The following SAMD12 variants were observed in gnomAD, a reference collection of about 807,000 sequenced individuals.
The protein encoded by SAMD12 is sterile alpha motif domain-containing protein 12.
Under a neutral mutation model 15.0 loss-of-function variants are expected in SAMD12, and 9 were observed. The ratio of observed to expected loss-of-function variants is 0.60; its 90% CI spans 0.36 to 1.05. SAMD12 has a LOEUF of 1.05. Among genes scored for constraint, SAMD12 ranks in the 50% least tolerant of loss-of-function variants. SAMD12 has a pLI of 0.01. For synonymous variants in SAMD12, 86 were observed against 90.1 expected (o/e 0.96, Z 0.25); for missense variants, 230 against 234.2 (o/e 0.98, Z 0.12).
intron 4 of SAMD12, among the ~76,000 whole-genome samples, chr8:118,281,973 C>A (rs146746697): frequency 4.4e-4 from 67 of 152,296 alleles, no homozygotes; most frequent in African/African-American, 1.6e-3. Flanking sequence ...GTGCTTTCTG[C>A]AGAAATGAGC....
intron 4 of SAMD12, among the ~76,000 whole-genome samples, chr8:118,334,458 C>T (rs1364077021): frequency 1.3e-5 from 2 of 152,098 alleles, no homozygotes; most frequent in Non-Finnish European, 2.9e-5. Flanking sequence ...TCTTCTTCCC[C>T]TTCCCCTTCC....
At chr8:118,264,623 G>C (rs939102310) in intron 4 of SAMD12, among the ~76,000 whole-genome samples, 1 of 152,094 alleles carries the variant, frequency 6.6e-6, no homozygotes, top group Admixed American at 6.6e-5. Context: ...ATGTGCTAGA[G>C]TGAGGATGGA....
the SAMD12 span, among the ~76,000 whole-genome samples, chr8:118,153,096 G>T: frequency 6.6e-6 from 1 of 152,192 alleles, no homozygotes; most frequent in East Asian, 1.9e-4. Context: ...TTTTTCACTT[G>T]GTGTCTGTGT....
chr8:118,148,581 T>C, the SAMD12 span, among the ~76,000 whole-genome samples: 2 of 152,236 alleles, frequency 1.3e-5, no homozygotes. Flanking sequence ...TATAATTTAA[T>C]GATTTTTGGA....
At chr8:118,534,138 G>A (rs189565136) in intron 2 of SAMD12, among the ~76,000 whole-genome samples, 1 of 152,020 alleles carries the variant, frequency 6.6e-6, no homozygotes, top group Non-Finnish European at 1.5e-5. Flanking sequence ...GGCAGGCCTG[G>A]TGGTGACAAA....
At chr8:118,465,552 G>A (rs183536135) in intron 2 of SAMD12, among the ~76,000 whole-genome samples, 285 of 152,116 alleles carry the variant, frequency 1.9e-3, no homozygotes, top group African/African-American at 6.6e-3. Flanking sequence ...ATATGACTTC[G>A]GACACACACA....
At chr8:118,558,535 A>T (rs961188881) in intron 2 of SAMD12, among the ~76,000 whole-genome samples, 1 of 151,980 alleles carries the variant, frequency 6.6e-6, no homozygotes, top group Non-Finnish European at 1.5e-5. Context: ...AGTGACACTG[A>T]GCTAAGACTT....
intron 4 of SAMD12, chr8:118,295,721 C>T (rs1201048944): frequency 6.7e-6 from 1 of 149,188 alleles, no homozygotes; most frequent in East Asian, 2.0e-4. Flanking sequence ...GCAATCGTGG[C>T]TTACTGCAGT....
At chr8:118,453,032 T>C (rs1823129208) in intron 2 of SAMD12, among the ~76,000 whole-genome samples, 2 of 152,240 alleles carry the variant, frequency 1.3e-5, no homozygotes. Flanking sequence ...CTAATTTTAG[T>C]TCATCTATTA....
chr8:118,595,631 C>T (rs1179585414), intron 1 of SAMD12, among the ~76,000 whole-genome samples: 1 of 152,246 alleles, frequency 6.6e-6, no homozygotes, highest in Non-Finnish European at 1.5e-5. Context: ...AAGACAGCAG[C>T]ACTCTAAGTT....
intron 4 of SAMD12, among the ~76,000 whole-genome samples, chr8:118,350,413 T>G (rs1355369268): frequency 6.6e-6 from 1 of 152,222 alleles, no homozygotes; most frequent in Non-Finnish European, 1.5e-5. Context: ...AAGGGTTTTA[T>G]AGTCAGGTAG....
chr8:118,210,571 ATTG>A (rs1261705103), intron 4 of SAMD12, among the ~76,000 whole-genome samples: 1 of 152,142 alleles, frequency 6.6e-6, no homozygotes, highest in Non-Finnish European at 1.5e-5. Flanking sequence ...GATTCTATTT[ATTG>A]TTGTCTCATT....
intron 4 of SAMD12, among the ~76,000 whole-genome samples, chr8:118,322,229 C>G (rs1816323173): frequency 6.6e-6 from 1 of 152,240 alleles, no homozygotes; most frequent in Non-Finnish European, 1.5e-5. Context: ...CAATTACTCT[C>G]TCTCTCAGCA....
chr8:118,162,091 C>T, the SAMD12 span, among the ~76,000 whole-genome samples: 4 of 150,044 alleles, frequency 2.7e-5, no homozygotes, highest in East Asian at 3.9e-4. Context: ...ACCTGGAAGG[C>T]GGAGGTTTCA....
At chr8:118,553,377 G>A (rs776514715) in intron 2 of SAMD12, among the ~76,000 whole-genome samples, 3,883 of 151,782 alleles carry the variant, frequency 0.026, 66 homozygotes, top group Middle Eastern at 0.044. Flanking sequence ...AAATAACGCC[G>A]CATATCTACA....
rs189420946 is a variant in SAMD12, at chr8:118,229,093, A to T, written c.434-31361T>A. On this transcript the variant is annotated intron_variant, in intron 4 of 4. Coordinates refer to the SAMD12 transcript ENST00000409003. ...TGTGGGAGCTAAGCTATGAGAACGC[A>T]AAGGCATAAGAATGATGCAATGGAC... is the stretch of plus-strand genomic sequence containing the variant. 6.2e-4 allele frequency among the ~76,000 whole-genome samples: 94 copies of T among 152,274 alleles called. 1 individual carries two copies. Among genetic ancestry groups the T allele is most frequent in the Middle Eastern group, 3.4e-3 (1 of 294 alleles).
At chr8:118,588,085 C>G (rs185178157) in intron 1 of SAMD12, among the ~76,000 whole-genome samples, 1 of 152,212 alleles carries the variant, frequency 6.6e-6, no homozygotes, top group East Asian at 1.9e-4. Context: ...GTAATCAATC[C>G]AGATGACACT....
At chr8:118,523,709 T>C (rs1309384560) in intron 2 of SAMD12, among the ~76,000 whole-genome samples, 1 of 152,122 alleles carries the variant, frequency 6.6e-6, no homozygotes, top group Non-Finnish European at 1.5e-5. Flanking sequence ...GTCAAGGGGA[T>C]CTTAGTATTC....
At chr8:118,413,245 T>C (rs767712928) in intron 3 of SAMD12, among the ~76,000 whole-genome samples, 7 of 152,164 alleles carry the variant, frequency 4.6e-5, no homozygotes, top group Non-Finnish European at 1.0e-4. Flanking sequence ...TTTAAGCCAC[T>C]CATTTTGGAG....
Sources: gnomAD v4.1 joint callset for allele counts (sites outside exome capture counted in the v4.1 genomes callset) on GRCh38, gnomAD v4.1.1 for gene constraint, MANE v1.5 for transcripts, NCBI Gene and HGNC (gene_info 2026-07-23, HGNC 2026-07-21) for gene names.